The following TBC1D19 variants were observed in gnomAD, a reference collection of about 807,000 sequenced individuals.
TBC1D19 encodes the protein TBC1 domain family member 19, also known as TBC1 domain family, member 19.
TBC1D19 carries 60 observed loss-of-function variants against 89.0 expected under a neutral mutation model. The observed-to-expected ratio is 0.67, with a 90% CI of 0.55 to 0.84. The LOEUF is 0.84. TBC1D19 is among the 40% of genes least tolerant of loss of function. The pLI, the probability that TBC1D19 is intolerant of heterozygous loss-of-function variation, is 0.00. For synonymous variants in TBC1D19, 189 were observed against 199.7 expected (o/e 0.95, Z 0.45); for missense variants, 500 against 610.8 (o/e 0.82, Z 1.91).
intron 13 of TBC1D19, among the ~76,000 whole-genome samples, chr4:26,697,818 A>G (rs1017594781): frequency 2.0e-5 from 3 of 152,236 alleles, no homozygotes; most frequent in African/African-American, 7.2e-5. Flanking sequence ...ACAACACTTC[A>G]TGCTAAAAAC....
Position 26,755,042 on chromosome 4 carries a change from A to G in TBC1D19, c.*95A>G, listed in dbSNP as rs1283709502. ...GCATAAAACCAAAATGAAACTTTGC[A>G]TATAAGCCAATAAAGATCATGTTCC... On this transcript the variant is annotated 3_prime_UTR_variant, in exon 21 of 21. Transcript: ENST00000264866. 6.4e-6 allele frequency: 7 copies of G among 1,090,168 alleles called. No individual in the cohort carries two copies. In the Admixed American group the frequency reaches 1.0e-4, roughly 16 times the overall value. The allele number at this position is 1,090,168 out of a possible 1,614,324, so 67.5% of individuals were successfully genotyped here. A position where few individuals can be genotyped will look rare whatever the true frequency, so the allele number is the denominator to read the frequency against.
the TBC1D19 span, among the ~76,000 whole-genome samples, chr4:26,776,952 G>C: frequency 6.6e-6 from 1 of 151,912 alleles, no homozygotes; most frequent in Non-Finnish European, 1.5e-5. Flanking sequence ...GAAGTTCATC[G>C]TGTGCTCTTT....
the TBC1D19 span, among the ~76,000 whole-genome samples, chr4:26,782,270 A>G: frequency 6.6e-6 from 1 of 152,200 alleles, no homozygotes; most frequent in Non-Finnish European, 1.5e-5. Context: ...CTTTCTAGAA[A>G]GAGCAGAGTA....
At chr4:26,759,141 A>G (rs1302985321), downstream of TBC1D19, among the ~76,000 whole-genome samples, 1 of 152,140 alleles carries the variant, frequency 6.6e-6, no homozygotes, top group African/African-American at 2.4e-5. Context: ...ACCCCTACAT[A>G]TACATAAGAT....
the TBC1D19 span, among the ~76,000 whole-genome samples, chr4:26,780,722 C>T: frequency 6.6e-6 from 1 of 152,198 alleles, no homozygotes; most frequent in African/African-American, 2.4e-5. Context: ...TGTAACACCT[C>T]CCTTGAGAGT....
At chr4:26,577,094 A>G (rs1051934105) in intron 1 of TBC1D19, among the ~76,000 whole-genome samples, 4 of 152,212 alleles carry the variant, frequency 2.6e-5, no homozygotes, top group Non-Finnish European at 5.9e-5. Flanking sequence ...ATTCTTCCTT[A>G]AAGCTGGAAC....
intron 13 of TBC1D19, among the ~76,000 whole-genome samples, chr4:26,694,232 G>A (rs750659007): frequency 5.9e-5 from 9 of 152,010 alleles, no homozygotes; most frequent in Non-Finnish European, 1.2e-4. Flanking sequence ...CTTAGCAAAC[G>A]GCACACCAGG....
At chr4:26,583,848 G>T, upstream of TBC1D19, 1 of 285,184 alleles carries the variant, frequency 3.5e-6, no homozygotes, top group Non-Finnish European at 6.8e-6. Context: ...ATAGTAAAAC[G>T]CACAATTCTC....
At chr4:26,822,665 T>C in the TBC1D19 span, among the ~76,000 whole-genome samples, 1 of 152,090 alleles carries the variant, frequency 6.6e-6, no homozygotes, top group Non-Finnish European at 1.5e-5. Flanking sequence ...TGGTTAACGT[T>C]GAGATGCGGT....
At chr4:26,695,527 C>T (rs937896061) in intron 13 of TBC1D19, among the ~76,000 whole-genome samples, 4 of 151,994 alleles carry the variant, frequency 2.6e-5, no homozygotes, top group African/African-American at 4.8e-5. Context: ...AGATACACCT[C>T]GAGAAGAGCA....
At chr4:26,597,116 C>G (rs1740272233) in intron 1 of TBC1D19, among the ~76,000 whole-genome samples, 1 of 152,122 alleles carries the variant, frequency 6.6e-6, no homozygotes, top group South Asian at 2.1e-4. Flanking sequence ...CTTCTATAAT[C>G]TTATTGGATT....
At chr4:26,699,303 C>T (rs1198909335) in intron 13 of TBC1D19, among the ~76,000 whole-genome samples, 1 of 152,162 alleles carries the variant, frequency 6.6e-6, no homozygotes, top group African/African-American at 2.4e-5. Context: ...CAAATCAAAA[C>T]CACAATGAGA....
chr4:26,778,521 A>G, the TBC1D19 span, among the ~76,000 whole-genome samples: 1 of 152,152 alleles, frequency 6.6e-6, no homozygotes, highest in African/African-American at 2.4e-5. Flanking sequence ...TTTATTCAAG[A>G]TTCCACAGGT....
intron 7 of TBC1D19, among the ~76,000 whole-genome samples, chr4:26,656,925 G>T (rs577407908): frequency 5.4e-5 from 8 of 147,936 alleles, no homozygotes; most frequent in African/African-American, 1.8e-4. Context: ...TTTTTTCCTT[G>T]TGAGTTTGGT....
chr4:26,645,850 G>A (rs184619510), intron 7 of TBC1D19, among the ~76,000 whole-genome samples: 249 of 151,978 alleles, frequency 1.6e-3, no homozygotes, highest in African/African-American at 5.6e-3. Context: ...AGGGCCGGGC[G>A]CGGTGGCTCA....
At chr4:26,806,352 T>G in the TBC1D19 span, among the ~76,000 whole-genome samples, 1 of 152,150 alleles carries the variant, frequency 6.6e-6, no homozygotes, top group Non-Finnish European at 1.5e-5. Flanking sequence ...ATCTGTAAAA[T>G]GGGGATAATA....
chr4:26,760,770 T>C (rs1719433100), downstream of TBC1D19, among the ~76,000 whole-genome samples: 3 of 152,226 alleles, frequency 2.0e-5, no homozygotes, highest in Admixed American at 2.0e-4. Context: ...TTTATATTTT[T>C]TGCTTCCTCT....
At chr4:26,684,261 C>G (rs1409522835) in intron 12 of TBC1D19, among the ~76,000 whole-genome samples, 1 of 152,178 alleles carries the variant, frequency 6.6e-6, no homozygotes, top group Non-Finnish European at 1.5e-5. Flanking sequence ...TGAGTTAACG[C>G]TTTCATCACT....
At chr4:26,820,414 A>G in the TBC1D19 span, among the ~76,000 whole-genome samples, 1 of 152,164 alleles carries the variant, frequency 6.6e-6, no homozygotes, top group Admixed American at 6.5e-5. Flanking sequence ...TGACTTTTCT[A>G]GAGTCCACAT....
Sources: gnomAD v4.1 joint callset for allele counts (sites outside exome capture counted in the v4.1 genomes callset) on GRCh38, gnomAD v4.1.1 for gene constraint, MANE v1.5 for transcripts, NCBI Gene and HGNC (gene_info 2026-07-23, HGNC 2026-07-21) for gene names.